Variants in CEP89 observed in about 807,000 individuals in gnomAD.
The protein encoded by CEP89 is centrosomal protein of 89 kDa.
Under a neutral mutation model 97.6 loss-of-function variants are expected in CEP89, and 95 were observed. The ratio of observed to expected loss-of-function variants is 0.97; its 90% CI spans 0.82 to 1.15. The LOEUF (loss-of-function observed/expected upper bound fraction) is 1.15, where lower values mean the gene tolerates loss of function less well. CEP89 is among the 50% of genes most tolerant of loss of function. The pLI, the probability that CEP89 is intolerant of heterozygous loss-of-function variation, is 0.00. For missense variants in CEP89, 869 were observed against 947.7 expected, an observed-to-expected ratio of 0.92 and a Z score of 1.09; for synonymous variants, 354 against 349.1, an observed-to-expected ratio of 1.01 and a Z score of -0.16.
At chr19:32,931,664 T>C in intron 8 of CEP89, 93 bp from the exon 9 acceptor site, 1 of 1,019,098 alleles carries the variant, frequency 9.8e-7, no homozygotes, top group Non-Finnish European at 1.4e-6. Context: ...TTCTCCCCTC[T>C]TTCACGCTCA....
chr19:32,928,097 G>A (rs889388991), intron 9 of CEP89, among the ~76,000 whole-genome samples: 1 of 151,404 alleles, frequency 6.6e-6, no homozygotes, highest in Non-Finnish European at 1.5e-5. Flanking sequence ...TGTATTTTTA[G>A]TAGAGGCGAG....
At chr19:32,917,744 G>C (rs1970157597) in intron 13 of CEP89, 1 of 966,820 alleles carries the variant, frequency 1.0e-6, no homozygotes, top group South Asian at 4.8e-5. Flanking sequence ...GATGGGAAGA[G>C]GGACACTCTC....
chr19:32,964,559 A>T (rs1052160031), intron 2 of CEP89, among the ~76,000 whole-genome samples: 3 of 152,234 alleles, frequency 2.0e-5, no homozygotes, highest in Non-Finnish European at 4.4e-5. Flanking sequence ...TGGATAAACA[A>T]ACTGTGGCAT....
chr19:32,935,335 G>A (rs571350822), intron 7 of CEP89, among the ~76,000 whole-genome samples: 45 of 152,258 alleles, frequency 3.0e-4, no homozygotes, highest in South Asian at 6.2e-4. Flanking sequence ...ACCCCAAGAG[G>A]TATCAAACAG....
At chr19:32,961,534 G>A (rs1204460933) in intron 2 of CEP89, among the ~76,000 whole-genome samples, 13 of 142,752 alleles carry the variant, frequency 9.1e-5, no homozygotes, top group East Asian at 6.1e-4. Context: ...AGCCGAGATC[G>A]CGCCACTGCC....
chr19:32,907,971 T>C (rs558462466), intron 14 of CEP89, among the ~76,000 whole-genome samples: 1 of 152,362 alleles, frequency 6.6e-6, no homozygotes, highest in East Asian at 1.9e-4. Flanking sequence ...CATTGGTTTA[T>C]AGTTGCCTGC....
In CEP89 at chr19:32,885,082, T is replaced by G. The variant is rs186502530; in HGVS notation, c.1965+2670A>C. Among the ~76,000 whole-genome samples the G allele has an allele frequency of 3.5e-3, 528 of 152,328 alleles. 1 individual carries two copies. The highest frequency in any genetic ancestry group is 0.012 in the African/African-American group (492 of 41,566). On this transcript the variant is annotated intron_variant, in intron 17 of 18. Transcript: ENST00000305768. ...AGCTCGTACCACTTGGTTTTTCAGCTTTAATGATATCCCTTGACTCTTATT... is the reference window on the plus strand; with the variant it reads ...AGCTCGTACCACTTGGTTTTTCAGCGTTAATGATATCCCTTGACTCTTATT...
chr19:32,946,706 G>A (rs1970805216), intron 5 of CEP89, among the ~76,000 whole-genome samples: 1 of 152,104 alleles, frequency 6.6e-6, no homozygotes, highest in Non-Finnish European at 1.5e-5. Context: ...TAAGTCTCAT[G>A]AAATCTGATG....
chr19:32,935,313 G>A (rs1400437596), intron 7 of CEP89, among the ~76,000 whole-genome samples: 2 of 152,142 alleles, frequency 1.3e-5, no homozygotes, highest in Admixed American at 1.3e-4. Context: ...TGGGCCACAG[G>A]GAATCTCAGA....
At chr19:32,923,897 G>A (rs1970303532) in intron 11 of CEP89, among the ~76,000 whole-genome samples, 1 of 152,088 alleles carries the variant, frequency 6.6e-6, no homozygotes, top group Admixed American at 6.6e-5. Context: ...TGAAGATGCA[G>A]GAGAATAAAT....
At chr19:32,919,041 C>A (rs192956160) in intron 12 of CEP89, among the ~76,000 whole-genome samples, 33 of 151,946 alleles carry the variant, frequency 2.2e-4, no homozygotes, top group Non-Finnish European at 3.4e-4. Context: ...CCCACCACGC[C>A]GCCTGGCTAA....
rs776241494 is a variant in CEP89, at chr19:32,901,261, C to T, written c.1717G>A (p.Ala573Thr). The stretch of plus-strand genomic sequence containing the variant: ...GACACAAACCTATTGATTTTCTGTG[C>T]TCGTTCAAGTTCGGCTTCCAGTGCT... ...NKALEAELER[A>T]QKINRKSQKK... The change falls in exon 15 of 19, where the codon GCA (alanine) becomes ACA (threonine). Residue 573 changes from alanine (A) to threonine (T), a missense_variant. By Grantham distance (58) the Ala-to-Thr change is moderately conservative (BLOSUM62 0). Transcript: ENST00000305768. The T allele has an allele frequency of 8.7e-6, 14 of 1,610,240 alleles. No individual in the cohort carries two copies. The highest frequency in any genetic ancestry group is 1.2e-5 in the Non-Finnish European group (14 of 1,179,126).
At chr19:32,910,227 C>G (rs919732255) in intron 14 of CEP89, among the ~76,000 whole-genome samples, 1 of 149,510 alleles carries the variant, frequency 6.7e-6, no homozygotes, top group Non-Finnish European at 1.5e-5. Context: ...TGCCACTGCA[C>G]TATTCCAGCC....
At chr19:32,897,770 C>T (rs1008785528) in intron 16 of CEP89, among the ~76,000 whole-genome samples, 2 of 152,126 alleles carry the variant, frequency 1.3e-5, no homozygotes, top group South Asian at 4.1e-4. Context: ...CTATCTTGCC[C>T]ATGCTGGTCT....
chr19:32,899,467 T>C (rs1969717698), intron 16 of CEP89, among the ~76,000 whole-genome samples: 1 of 152,178 alleles, frequency 6.6e-6, no homozygotes, highest in African/African-American at 2.4e-5. Flanking sequence ...CAGATGGTTC[T>C]AGACTTACAA....
intron 16 of CEP89, among the ~76,000 whole-genome samples, chr19:32,898,464 TTAGA>T (rs1481291799): frequency 6.6e-6 from 1 of 152,160 alleles, no homozygotes; most frequent in Non-Finnish European, 1.5e-5. Context: ...AAGCATACAG[TTAGA>T]TAGACGAAAT....
chr19:32,946,898 G>A (rs753817690), intron 5 of CEP89, among the ~76,000 whole-genome samples: 5 of 151,686 alleles, frequency 3.3e-5, no homozygotes, highest in Non-Finnish European at 5.9e-5. Flanking sequence ...TATCAGCAGC[G>A]TGAAAACGGA....
intron 5 of CEP89, 128 bp downstream of exon 5, chr19:32,948,138 A>G (rs1024566355): frequency 1.6e-4 from 91 of 555,920 alleles, no homozygotes; most frequent in Non-Finnish European, 2.6e-4. Context: ...AATTTCAATT[A>G]TATTCCTAGT....
rs1440342679 is a variant in CEP89, at chr19:32,936,132, G to C, written c.667+1499C>G. 6.6e-6 allele frequency among the ~76,000 whole-genome samples: 1 copy of C among 152,160 alleles called. No homozygotes were observed. On this transcript the variant is annotated intron_variant, in intron 7 of 18. Coordinates refer to ENST00000305768, the MANE Select transcript of CEP89 (RefSeq NM_032816.5). This position sits in a 1 kb window ranked among gnomAD's most constrained non-coding sequence, Gnocchi z 4.5. ...TGTCCCCGCAGGCTTATGGGTGTTTGCTCTAGCTGCCTGGTCTCTCCCTGC... is the reference window on the plus strand; with the variant it reads ...TGTCCCCGCAGGCTTATGGGTGTTTCCTCTAGCTGCCTGGTCTCTCCCTGC...
Sources: allele counts gnomAD v4.1 joint callset (sites outside exome capture counted in the v4.1 genomes callset), GRCh38; gene constraint gnomAD v4.1.1; non-coding constraint Gnocchi (gnomAD v3.1); transcripts MANE v1.5; gene names NCBI Gene and HGNC (gene_info 2026-07-23, HGNC 2026-07-21).